ATP6V1C1: variants seen among roughly 807,000 people sequenced by gnomAD.
ATP6V1C1 encodes the protein ATPase H+ transporting V1 subunit C1.
Under a neutral mutation model 53.9 loss-of-function variants are expected in ATP6V1C1, and 45 were observed. The ratio of observed to expected loss-of-function variants is 0.83; its 90% CI spans 0.66 to 1.07. The LOEUF is 1.07. Ranked by LOEUF, ATP6V1C1 falls within the 50% of genes least tolerant of loss-of-function variation. The pLI is 0.00. For missense variants in ATP6V1C1, 315 were observed against 440.3 expected (o/e 0.72, Z 2.55); for synonymous variants, 153 against 155.2 (o/e 0.99, Z 0.11).
chr8:103,041,545 C>CG (rs1427406497), intron 2 of ATP6V1C1, among the ~76,000 whole-genome samples: 3 of 151,834 alleles, frequency 2.0e-5, no homozygotes, highest in African/African-American at 7.3e-5. Context: ...ATGAGGGAGT[C>CG]GTAGGCAGCA....
intron 9 of ATP6V1C1, 35 bp from the exon 10 acceptor site, chr8:103,063,100 T>C (rs1350938492): frequency 1.2e-6 from 2 of 1,609,926 alleles, no homozygotes; most frequent in African/African-American, 2.7e-5. Flanking sequence ...CTGTATACAA[T>C]GTGAACAATT....
At chr8:103,032,494 T>G (rs1365244732) in intron 1 of ATP6V1C1, among the ~76,000 whole-genome samples, 1 of 152,102 alleles carries the variant, frequency 6.6e-6, no homozygotes, top group Non-Finnish European at 1.5e-5. Flanking sequence ...TTCTTTTTCT[T>G]TTTCTTTTCT....
chr8:103,042,436 C>A, intron 3 of ATP6V1C1, 29 bp downstream of exon 3: 2 of 1,591,034 alleles, frequency 1.3e-6, no homozygotes, highest in South Asian at 1.1e-5. Context: ...TGGAGTAGAG[C>A]AAAATGGGAG....
At chr8:103,046,181 A>G (rs1817093742) in intron 3 of ATP6V1C1, among the ~76,000 whole-genome samples, 1 of 152,014 alleles carries the variant, frequency 6.6e-6, no homozygotes, top group South Asian at 2.1e-4. Flanking sequence ...TCCTGAATAT[A>G]ATTTAAAGTT....
intron 1 of ATP6V1C1, among the ~76,000 whole-genome samples, chr8:103,037,507 A>G (rs1355317964): frequency 6.6e-6 from 1 of 152,144 alleles, no homozygotes; most frequent in Non-Finnish European, 1.5e-5. Flanking sequence ...ACTTGGTCAT[A>G]AGAAGATATA....
chr8:103,058,349 A>C (rs1225954781), intron 8 of ATP6V1C1, among the ~76,000 whole-genome samples: 1 of 152,234 alleles, frequency 6.6e-6, no homozygotes, highest in Non-Finnish European at 1.5e-5. Context: ...ACTGACTCAA[A>C]AACTTACCTG....
intron 1 of ATP6V1C1, among the ~76,000 whole-genome samples, chr8:103,023,456 A>G (rs914425545): frequency 2.0e-5 from 3 of 152,188 alleles, no homozygotes; most frequent in Non-Finnish European, 4.4e-5. Flanking sequence ...TAGAGGGTTC[A>G]GGACTTGGGG....
At chr8:103,039,648 A>G (rs1816959492) in intron 1 of ATP6V1C1, among the ~76,000 whole-genome samples, 1 of 152,090 alleles carries the variant, frequency 6.6e-6, no homozygotes, top group Admixed American at 6.6e-5. Context: ...TTTGATTTTT[A>G]TCATTTGTGT....
At chr8:103,063,727 G>C (rs1481908547) in intron 10 of ATP6V1C1, among the ~76,000 whole-genome samples, 1 of 152,098 alleles carries the variant, frequency 6.6e-6, no homozygotes, top group Non-Finnish European at 1.5e-5. Flanking sequence ...AATGGGAAAC[G>C]AGTGGAATTG....
chr8:103,039,071 T>G (rs1816948457), intron 1 of ATP6V1C1, among the ~76,000 whole-genome samples: 1 of 152,234 alleles, frequency 6.6e-6, no homozygotes. Context: ...TTTAAAATTT[T>G]TTTTCTAGAA....
At chr8:103,066,494 GA>G in intron 12 of ATP6V1C1, 47 bp downstream of exon 12, 16 of 1,479,764 alleles carry the variant, frequency 1.1e-5, no homozygotes, top group South Asian at 5.7e-5. Context: ...GTGAATTTCA[GA>G]AAAAAAATGA....
At chr8:103,045,866 G>A (rs552317373) in intron 3 of ATP6V1C1, among the ~76,000 whole-genome samples, 14 of 152,054 alleles carry the variant, frequency 9.2e-5, no homozygotes, top group African/African-American at 2.9e-4. Context: ...GTGTGAACTC[G>A]GGAGGCGGAG....
At chr8:103,048,474 G>A (rs1435860463) in intron 3 of ATP6V1C1, among the ~76,000 whole-genome samples, 1 of 152,194 alleles carries the variant, frequency 6.6e-6, no homozygotes, top group African/African-American at 2.4e-5. Context: ...AAAGCACAGT[G>A]TCTTGCATGT....
At chr8:103,043,295 A>C (rs968767630) in intron 3 of ATP6V1C1, among the ~76,000 whole-genome samples, 3 of 151,286 alleles carry the variant, frequency 2.0e-5, no homozygotes, top group Non-Finnish European at 4.4e-5. Context: ...GATTATAGCC[A>C]TCCCAGGGGG....
chr8:103,036,174 T>C (rs1816895756), intron 1 of ATP6V1C1, among the ~76,000 whole-genome samples: 1 of 152,210 alleles, frequency 6.6e-6, no homozygotes, highest in Non-Finnish European at 1.5e-5. Flanking sequence ...ACATGGTCTT[T>C]AGAGTCAAAC....
chr8:103,050,485 TA>T (rs148633332), intron 4 of ATP6V1C1, among the ~76,000 whole-genome samples: 12,350 of 152,266 alleles, frequency 0.081, 671 homozygotes, highest in Non-Finnish European at 0.11. Context: ...TTGATCCCTT[TA>T]GGGGTGAAGT....
intron 8 of ATP6V1C1, among the ~76,000 whole-genome samples, chr8:103,058,159 T>C (rs945978319): frequency 2.0e-5 from 3 of 152,226 alleles, no homozygotes; most frequent in African/African-American, 7.2e-5. Context: ...TTTAGATCTT[T>C]GGACAGTCAC....
chr8:103,048,369 A>G (rs1012974455), intron 3 of ATP6V1C1, among the ~76,000 whole-genome samples: 1 of 152,248 alleles, frequency 6.6e-6, no homozygotes, highest in African/African-American at 2.4e-5. Flanking sequence ...TAGATGCTCA[A>G]TAAACAGTTA....
At chr8:103,062,232 G>A (rs1166223654) in intron 8 of ATP6V1C1, among the ~76,000 whole-genome samples, 3 of 131,682 alleles carry the variant, frequency 2.3e-5, no homozygotes, top group African/African-American at 8.7e-5. Flanking sequence ...GTGCAGTGGT[G>A]CAATCTCAGC....
Sources: gnomAD v4.1 joint callset for allele counts (sites outside exome capture counted in the v4.1 genomes callset) on GRCh38, gnomAD v4.1.1 for gene constraint, MANE v1.5 for transcripts, NCBI Gene and HGNC (gene_info 2026-07-23, HGNC 2026-07-21) for gene names.